The following CCDC7 variants were observed in gnomAD, a reference collection of about 807,000 sequenced individuals.
The protein encoded by CCDC7 is coiled-coil domain-containing protein 7.
CCDC7 carries 183 observed loss-of-function variants against 196.9 expected under a neutral mutation model. That is an observed-to-expected ratio of 0.93 (90% CI 0.82 to 1.05). CCDC7 has a LOEUF of 1.05. Ranked by LOEUF, CCDC7 falls within the 50% of genes least tolerant of loss-of-function variation. CCDC7 has a pLI of 0.00. For missense variants in CCDC7, 1,540 were observed against 1,482.2 expected, an observed-to-expected ratio of 1.04 and a Z score of -0.64; for synonymous variants, 525 against 484.6, an observed-to-expected ratio of 1.08 and a Z score of -1.10.
intron 6 of CCDC7, 101 bp from the exon 8 acceptor site, chr10:32,472,380 A>AACTTCATATGTCTGG: frequency 9.4e-7 from 1 of 1,066,492 alleles, no homozygotes; most frequent in Admixed American, 3.6e-5. Flanking sequence ...TTATTCTACA[A>AACTTCATATGTCTGG]ACTTCATATG....
At chr10:32,797,969 A>C (rs1269060532) in intron 29 of CCDC7, among the ~76,000 whole-genome samples, 6 of 152,224 alleles carry the variant, frequency 3.9e-5, no homozygotes, top group African/African-American at 1.4e-4. Context: ...TGGTAAGACC[A>C]GTGAATTCCA....
intron 18 of CCDC7, among the ~76,000 whole-genome samples, chr10:32,601,312 C>T (rs2060974425): frequency 2.6e-5 from 4 of 152,158 alleles, no homozygotes; most frequent in Admixed American, 2.6e-4. Flanking sequence ...CTCAAGTAAA[C>T]CACCTGCCTC....
Position 32,848,847 on chromosome 10 carries a change from A to G in CCDC7, c.3895+129A>G, listed in dbSNP as rs1474395959. On this transcript the variant is annotated intron_variant, in intron 39 of 41. Coordinates refer to ENST00000639629, the Ensembl canonical transcript of CCDC7. The stretch of plus-strand genomic sequence containing the variant: ...GAAATATCTTAGGAAAATTCTTACA[A>G]GCGTAAAAATAAAATGGTTTTAATT... 5 of 773,168 alleles carry G rather than the reference A, an allele frequency of 6.5e-6. No individual in the cohort carries two copies. The African/African-American group carries it at 8.8e-5, about 14-fold the overall frequency. 47.9% of individuals were successfully genotyped at this position (773,168 alleles called of 1,614,324 possible). A position where few individuals can be genotyped will look rare whatever the true frequency, so the allele number is the denominator to read the frequency against.
At position 32,827,811 on chromosome 10, in the gene CCDC7, A is replaced by G. The variant is rs535659014; in HGVS notation, c.3268+3207A>G. Among the ~76,000 whole-genome samples, 8 of 152,228 alleles carry G rather than the reference A, an allele frequency of 5.3e-5. No homozygotes were observed. In the East Asian group the frequency reaches 1.5e-3, roughly 29 times the overall value. On this transcript the variant is annotated intron_variant, in intron 32 of 41. Transcript: ENST00000639629. ...AGTATAATAAAAATAAATAACTAAA[A>G]ACCATGTTTTAAAATGGCCCTGCAA...
At chr10:32,714,863 G>A (rs1329575554) in intron 25 of CCDC7, among the ~76,000 whole-genome samples, 1 of 152,216 alleles carries the variant, frequency 6.6e-6, no homozygotes, top group East Asian at 1.9e-4. Flanking sequence ...TCCTCTCTGG[G>A]CAGGGCATCT....
At chr10:32,790,380 A>G (rs2082508464) in intron 29 of CCDC7, among the ~76,000 whole-genome samples, 1 of 152,110 alleles carries the variant, frequency 6.6e-6, no homozygotes, top group African/African-American at 2.4e-5. Flanking sequence ...AACACCACAT[A>G]AACACCACCA....
At chr10:32,552,860 T>C (rs566460531) in intron 13 of CCDC7, among the ~76,000 whole-genome samples, 1 of 152,286 alleles carries the variant, frequency 6.6e-6, no homozygotes, top group East Asian at 1.9e-4. Context: ...GATTCTTTCC[T>C]TCATCTTAAC....
chr10:32,528,878 T>G (rs1237896807), intron 11 of CCDC7, among the ~76,000 whole-genome samples: 3 of 151,748 alleles, frequency 2.0e-5, no homozygotes, highest in Non-Finnish European at 4.4e-5. Flanking sequence ...CAGTTGCAAA[T>G]TATGCTGCTA....
At chr10:32,732,310 T>C (rs1023513824) in intron 28 of CCDC7, among the ~76,000 whole-genome samples, 1 of 152,196 alleles carries the variant, frequency 6.6e-6, no homozygotes, top group Non-Finnish European at 1.5e-5. Context: ...TCATTAAGAA[T>C]ATTGTGTAAT....
intron 31 of CCDC7, among the ~76,000 whole-genome samples, chr10:32,818,881 C>A (rs1055403476): frequency 1.3e-5 from 2 of 152,110 alleles, no homozygotes; most frequent in East Asian, 1.9e-4. Context: ...AAAATTGACA[C>A]CCTAACGTCA....
At chr10:32,486,960 A>G (rs2041228689) in intron 8 of CCDC7, among the ~76,000 whole-genome samples, 2 of 151,838 alleles carry the variant, frequency 1.3e-5, no homozygotes, top group South Asian at 2.1e-4. Flanking sequence ...GAATCTGACA[A>G]TTATATGTCT....
At position 32,539,091 on chromosome 10, in the gene CCDC7, C is replaced by T. The variant is rs145479071; in HGVS notation, c.994-4209C>T. Reference sequence around the variant, plus strand: ...AATCATTTAGTAGGAATGGCACCAGCGCTTCTTTATATATCTGGTAGAATT... The same window carrying T: ...AATCATTTAGTAGGAATGGCACCAGTGCTTCTTTATATATCTGGTAGAATT... On this transcript the variant is annotated intron_variant, in intron 11 of 41. Coordinates refer to ENST00000639629, the Ensembl canonical transcript of CCDC7. Among the ~76,000 whole-genome samples the T allele has an allele frequency of 3.8e-3, 584 of 151,894 alleles. 4 individuals are homozygous for T. Among genetic ancestry groups the T allele is most frequent in the African/African-American group, 0.013 (554 of 41,428 alleles).
intron 9 of CCDC7, among the ~76,000 whole-genome samples, chr10:32,495,188 G>A (rs2042726566): frequency 6.6e-6 from 1 of 151,890 alleles, no homozygotes; most frequent in African/African-American, 2.4e-5. Context: ...CTGCATAAAT[G>A]TCTTGAGAAA....
At chr10:32,515,738 C>T (rs1589416495) in intron 9 of CCDC7, among the ~76,000 whole-genome samples, 1 of 151,038 alleles carries the variant, frequency 6.6e-6, no homozygotes, top group Non-Finnish European at 1.5e-5. Flanking sequence ...GGCGGGGTTT[C>T]ACTGTGTTAG....
At chr10:32,757,833 T>G (rs2076728297) in intron 28 of CCDC7, among the ~76,000 whole-genome samples, 2 of 152,036 alleles carry the variant, frequency 1.3e-5, no homozygotes, top group Admixed American at 6.5e-5. Flanking sequence ...TTTGAAAAGA[T>G]CAACAAAATT....
intron 25 of CCDC7, among the ~76,000 whole-genome samples, chr10:32,719,321 T>G (rs1303548213): frequency 6.6e-6 from 1 of 152,146 alleles, no homozygotes; most frequent in Non-Finnish European, 1.5e-5. Flanking sequence ...TGGCTAGCCA[T>G]ATGTAGAAAA....
chr10:32,490,595 G>A (rs544841845), intron 8 of CCDC7, among the ~76,000 whole-genome samples: 53 of 152,234 alleles, frequency 3.5e-4, no homozygotes, highest in African/African-American at 1.1e-3. Context: ...AGGAGATTGA[G>A]ACCATCCTGG....
At chr10:32,454,543 C>A (rs914104682) in intron 2 of CCDC7, among the ~76,000 whole-genome samples, 2 of 151,640 alleles carry the variant, frequency 1.3e-5, no homozygotes, top group African/African-American at 2.4e-5. Context: ...GGTAACAAAC[C>A]TGCACATGTA....
intron 28 of CCDC7, among the ~76,000 whole-genome samples, chr10:32,759,126 C>T (rs1047116173): frequency 3.9e-5 from 6 of 152,176 alleles, no homozygotes; most frequent in Non-Finnish European, 7.4e-5. Flanking sequence ...ATTCCATGCT[C>T]ATGGATAGGA....
Sources: allele counts gnomAD v4.1 joint callset (sites outside exome capture counted in the v4.1 genomes callset), GRCh38; gene constraint gnomAD v4.1.1; transcripts MANE v1.5; gene names NCBI Gene and HGNC (gene_info 2026-07-23, HGNC 2026-07-21).